The following NEGR1 variants were observed in gnomAD, a reference collection of about 807,000 sequenced individuals.
The protein encoded by NEGR1 is IgLON family member 4.
A neutral mutation model predicts 40.9 loss-of-function variants in NEGR1; 10 were observed. That is an observed-to-expected ratio of 0.24 (90% CI 0.15 to 0.42). The LOEUF (loss-of-function observed/expected upper bound fraction) is 0.42, where lower values mean the gene tolerates loss of function less well. Among genes scored for constraint, NEGR1 ranks in the 10% least tolerant of loss-of-function variants. The pLI, the probability that NEGR1 is intolerant of heterozygous loss-of-function variation, is 1.00. For missense variants in NEGR1, 352 were observed against 438.9 expected (o/e 0.80, Z 1.77); for synonymous variants, 185 against 166.8 (o/e 1.11, Z -0.84).
chr1:71,498,641 C>T (rs971983607), intron 6 of NEGR1, among the ~76,000 whole-genome samples: 2 of 152,128 alleles, frequency 1.3e-5, no homozygotes, highest in African/African-American at 4.8e-5. Flanking sequence ...ACTCATACAG[C>T]TGCTGTGACT....
intron 1 of NEGR1, among the ~76,000 whole-genome samples, chr1:72,037,950 T>C (rs1056377536): frequency 2.0e-5 from 3 of 152,120 alleles, no homozygotes; most frequent in Admixed American, 6.6e-5. Flanking sequence ...GCTGGTGGTA[T>C]TCTTTACACT....
At chr1:71,519,755 A>C (rs1220943979) in intron 6 of NEGR1, among the ~76,000 whole-genome samples, 17 of 150,412 alleles carry the variant, frequency 1.1e-4, no homozygotes, top group African/African-American at 3.7e-4. Context: ...TTAAAAAAAA[A>C]CAAAAAAAGA....
At chr1:72,009,926 GA>G (rs547726359) in intron 1 of NEGR1, among the ~76,000 whole-genome samples, 6,233 of 147,644 alleles carry the variant, frequency 0.042, 186 homozygotes, top group Non-Finnish European at 0.056. Context: ...CTGGGAGGTA[GA>G]AAAAAAAAAT....
chr1:71,826,421 T>C (rs151326619), intron 2 of NEGR1, among the ~76,000 whole-genome samples: 17 of 152,086 alleles, frequency 1.1e-4, no homozygotes, highest in African/African-American at 4.1e-4. Context: ...TGAAAATATA[T>C]GTCACTCAAG....
chr1:72,015,619 G>T (rs1183363573), intron 1 of NEGR1, among the ~76,000 whole-genome samples: 1 of 152,132 alleles, frequency 6.6e-6, no homozygotes, highest in Non-Finnish European at 1.5e-5. Flanking sequence ...GTACTGAGCT[G>T]TGTTTTCACT....
intron 1 of NEGR1, among the ~76,000 whole-genome samples, chr1:71,966,608 T>C (rs1344441321): frequency 6.6e-6 from 1 of 152,194 alleles, no homozygotes; most frequent in Non-Finnish European, 1.5e-5. Context: ...TAATTGTTTC[T>C]AACTTATATG....
chr1:71,521,706 G>A (rs925186985), intron 6 of NEGR1, among the ~76,000 whole-genome samples: 7 of 151,956 alleles, frequency 4.6e-5, no homozygotes, highest in Non-Finnish European at 8.8e-5. Flanking sequence ...TAAGTGTATA[G>A]GAGCAACTCT....
chr1:71,574,571 A>G (rs1262890647), intron 6 of NEGR1, among the ~76,000 whole-genome samples: 2 of 152,148 alleles, frequency 1.3e-5, no homozygotes, highest in Non-Finnish European at 2.9e-5. Context: ...GAATAAAATG[A>G]GGAGAGGAGA....
intron 1 of NEGR1, among the ~76,000 whole-genome samples, chr1:72,142,270 C>T (rs938144728): frequency 9.9e-5 from 15 of 151,620 alleles, no homozygotes; most frequent in African/African-American, 3.1e-4. Flanking sequence ...CTAAGCAAAA[C>T]GCAATTCTGA....
intron 1 of NEGR1, among the ~76,000 whole-genome samples, chr1:72,223,913 G>A (rs955757163): frequency 6.6e-6 from 1 of 151,948 alleles, no homozygotes; most frequent in Non-Finnish European, 1.5e-5. Flanking sequence ...ATTCCCCAAG[G>A]AAAGTCTCAG....
chr1:71,766,847 GTTGTTT>G (rs1656150885), intron 3 of NEGR1, among the ~76,000 whole-genome samples: 11 of 152,064 alleles, frequency 7.2e-5, no homozygotes, highest in Non-Finnish European at 1.5e-4. Flanking sequence ...ATGACATCTT[GTTGTTT>G]AAAAGAGTGG....
At chr1:71,554,575 A>T (rs1648192330) in intron 6 of NEGR1, among the ~76,000 whole-genome samples, 1 of 151,420 alleles carries the variant, frequency 6.6e-6, no homozygotes, top group Non-Finnish European at 1.5e-5. Context: ...ACCCTCCTGC[A>T]CCCTGTTTTT....
chr1:72,025,222 A>G (rs1646796353), intron 1 of NEGR1, among the ~76,000 whole-genome samples: 1 of 152,182 alleles, frequency 6.6e-6, no homozygotes, highest in African/African-American at 2.4e-5. Context: ...AAGCTGCTCA[A>G]ATTCAATCTA....
chr1:71,675,633 T>C (rs1297647584), intron 4 of NEGR1, among the ~76,000 whole-genome samples: 1 of 151,872 alleles, frequency 6.6e-6, no homozygotes, highest in African/African-American at 2.4e-5. Context: ...GAGTTTGAAC[T>C]TGGATTGTAG....
chr1:71,899,767 G>C (rs1239056538), intron 2 of NEGR1, among the ~76,000 whole-genome samples: 1 of 151,860 alleles, frequency 6.6e-6, no homozygotes, highest in Non-Finnish European at 1.5e-5. Flanking sequence ...TCTTCTCATG[G>C]CAGGCTTATT....
At chr1:72,266,372 G>A (rs1655640363) in intron 1 of NEGR1, among the ~76,000 whole-genome samples, 1 of 150,672 alleles carries the variant, frequency 6.6e-6, no homozygotes, top group African/African-American at 2.4e-5. Flanking sequence ...ACTAATAGTA[G>A]TACTAATCCT....
chr1:71,667,491 T>C (rs1247147528), intron 4 of NEGR1, among the ~76,000 whole-genome samples: 1 of 152,062 alleles, frequency 6.6e-6, no homozygotes, highest in Middle Eastern at 3.2e-3. Context: ...GATTGGGAGA[T>C]CTGGGTTCTA....
At chr1:71,900,028 C>T (rs1033034457) in intron 2 of NEGR1, among the ~76,000 whole-genome samples, 2 of 152,194 alleles carry the variant, frequency 1.3e-5, no homozygotes, top group African/African-American at 2.4e-5. Flanking sequence ...CAATAAAACT[C>T]TCATCCAAAG....
chr1:71,510,699 G>T (rs905125200), intron 6 of NEGR1, among the ~76,000 whole-genome samples: 1 of 152,170 alleles, frequency 6.6e-6, no homozygotes, highest in East Asian at 1.9e-4. Context: ...GGAACTAGGG[G>T]AGGGACTTGC....
Sources: allele counts gnomAD v4.1 joint callset (sites outside exome capture counted in the v4.1 genomes callset), GRCh38; gene constraint gnomAD v4.1.1; transcripts MANE v1.5; gene names NCBI Gene and HGNC (gene_info 2026-07-23, HGNC 2026-07-21).